VWA8: variants seen among roughly 807,000 people sequenced by gnomAD.
The protein encoded by VWA8 is von Willebrand factor A domain-containing protein 8.
A neutral mutation model predicts 241.5 loss-of-function variants in VWA8; 221 were observed. That is an observed-to-expected ratio of 0.91 (90% CI 0.82 to 1.02). The LOEUF is 1.02. Among genes scored for constraint, VWA8 ranks in the 50% least tolerant of loss-of-function variants. The probability of loss-of-function intolerance (pLI) is 0.00; values close to 1 mark genes in which losing one functional copy is unlikely to be tolerated. For synonymous variants in VWA8, 852 were observed against 827.1 expected, an observed-to-expected ratio of 1.03 and a Z score of -0.52; for missense variants, 2,322 against 2,328.7, an observed-to-expected ratio of 1.00 and a Z score of 0.06.
At chr13:41,649,904 C>G (rs9315854) in intron 37 of VWA8, among the ~76,000 whole-genome samples, 3 of 152,078 alleles carry the variant, frequency 2.0e-5, no homozygotes, top group Admixed American at 2.0e-4. Context: ...CACTGCAACA[C>G]GTGTTGTGCC....
chr13:41,731,550 C>T, intron 22 of VWA8, among the ~76,000 whole-genome samples: 2 of 152,012 alleles, frequency 1.3e-5, no homozygotes, highest in Non-Finnish European at 2.9e-5. Flanking sequence ...GTTATCCTCC[C>T]AATAATTTGC....
chr13:41,614,493 C>T (rs566880967), intron 38 of VWA8, among the ~76,000 whole-genome samples: 18 of 152,304 alleles, frequency 1.2e-4, no homozygotes, highest in South Asian at 2.1e-4. Context: ...GCATCCTCAA[C>T]GTACTTCGAA....
intron 9 of VWA8, among the ~76,000 whole-genome samples, chr13:41,871,707 G>A (rs1873628453): frequency 6.6e-6 from 1 of 152,018 alleles, no homozygotes; most frequent in Admixed American, 6.5e-5. Context: ...GTCTATCGTT[G>A]TTGGACATTT....
Position 41,717,894 on chromosome 13 carries a change from G to C in VWA8, c.3116+1697C>G, listed in dbSNP as rs190693474. ...CTATCCCCTTGTAATGCAAGAGTGT[G>C]ACCAACTTGTTTCCAGGCTCAAAGT... is the stretch of plus-strand genomic sequence containing the variant. On this transcript the variant is annotated intron_variant, in intron 26 of 44. Coordinates refer to ENST00000379310, the MANE Select transcript of VWA8 (RefSeq NM_015058.2). Among the ~76,000 whole-genome samples, 15 of 152,142 alleles carry C rather than the reference G, an allele frequency of 9.9e-5. 1 individual carries two copies. Among genetic ancestry groups the C allele is most frequent in the Admixed American group, 8.5e-4 (13 of 15,258 alleles).
At chr13:41,623,721 G>A (rs940948631) in intron 37 of VWA8, among the ~76,000 whole-genome samples, 1 of 152,120 alleles carries the variant, frequency 6.6e-6, no homozygotes, top group African/African-American at 2.4e-5. Flanking sequence ...TAGTACTCAC[G>A]TGGGATACAG....
chr13:41,794,849 TGGAAGAGAATCTAGGCAATACCATTCA>T (rs1869619261), intron 17 of VWA8, among the ~76,000 whole-genome samples: 1 of 151,970 alleles, frequency 6.6e-6, no homozygotes, highest in Non-Finnish European at 1.5e-5. Context: ...ATAGAAACCC[TGGAAGAGAATCTAGGCAATACCATTCA>T]GGACATAGGC....
intron 18 of VWA8, among the ~76,000 whole-genome samples, chr13:41,784,729 T>TATACACACAC (rs772522331): frequency 1.7e-5 from 1 of 60,080 alleles, no homozygotes; most frequent in African/African-American, 5.6e-5. Context: ...TATATATATA[T>TATACACACAC]ACACACACAT....
At chr13:41,817,963 G>A (rs1309487028) in intron 15 of VWA8, among the ~76,000 whole-genome samples, 3 of 151,814 alleles carry the variant, frequency 2.0e-5, no homozygotes, top group Non-Finnish European at 4.4e-5. Flanking sequence ...ACTGAGAAGC[G>A]GAATTTTTTT....
intron 37 of VWA8, among the ~76,000 whole-genome samples, chr13:41,656,064 T>G (rs1269437235): frequency 2.0e-5 from 3 of 152,198 alleles, no homozygotes; most frequent in African/African-American, 7.2e-5. Flanking sequence ...TGGCGACTAT[T>G]TACTGCTGTG....
At chr13:41,636,473 C>T (rs1297485846) in intron 37 of VWA8, among the ~76,000 whole-genome samples, 1 of 152,054 alleles carries the variant, frequency 6.6e-6, no homozygotes, top group Non-Finnish European at 1.5e-5. Flanking sequence ...CCATAAAAAC[C>T]CTAGAAGAAA....
chr13:41,745,598 C>G (rs890323664), intron 21 of VWA8, among the ~76,000 whole-genome samples: 1 of 152,124 alleles, frequency 6.6e-6, no homozygotes, highest in African/African-American at 2.4e-5. Flanking sequence ...CCAACAGACA[C>G]ATGAAAAAAT....
At chr13:41,905,525 G>A (rs1469652379) in intron 4 of VWA8, among the ~76,000 whole-genome samples, 1 of 151,932 alleles carries the variant, frequency 6.6e-6, no homozygotes. Flanking sequence ...TTTAATGTAA[G>A]AACTTTGAAT....
At chr13:41,937,463 G>A (rs1417810380) in intron 2 of VWA8, among the ~76,000 whole-genome samples, 2 of 152,162 alleles carry the variant, frequency 1.3e-5, no homozygotes, top group East Asian at 3.8e-4. Context: ...ACAGTTACCA[G>A]TAGGGTTTGT....
chr13:41,814,553 C>A (rs1485846788), intron 16 of VWA8, among the ~76,000 whole-genome samples: 1 of 152,068 alleles, frequency 6.6e-6, no homozygotes, highest in Non-Finnish European at 1.5e-5. Flanking sequence ...AGCTTAGGGT[C>A]AGAGGGAACT....
chr13:41,627,873 TC>T (rs1332595361), intron 37 of VWA8, among the ~76,000 whole-genome samples: 3 of 152,084 alleles, frequency 2.0e-5, no homozygotes, highest in Non-Finnish European at 4.4e-5. Context: ...TCCCTCTCCT[TC>T]CCATAAAGAT....
intron 9 of VWA8, among the ~76,000 whole-genome samples, chr13:41,874,341 T>C (rs1424034380): frequency 1.3e-5 from 2 of 151,348 alleles, no homozygotes; most frequent in Non-Finnish European, 2.9e-5. Context: ...CCAGGGCAAT[T>C]AGGCAGGAGA....
chr13:41,884,559 T>A (rs1006630696), intron 8 of VWA8, among the ~76,000 whole-genome samples: 6 of 147,904 alleles, frequency 4.1e-5, no homozygotes, highest in African/African-American at 1.5e-4. Context: ...CTGACTGCAA[T>A]TTACTTCCAA....
At chr13:41,854,125 G>A (rs533010083) in intron 12 of VWA8, among the ~76,000 whole-genome samples, 1 of 152,228 alleles carries the variant, frequency 6.6e-6, no homozygotes, top group South Asian at 2.1e-4. Flanking sequence ...GTGGCTTAAA[G>A]AAACAACTGT....
intron 10 of VWA8, among the ~76,000 whole-genome samples, chr13:41,867,030 T>C (rs888364164): frequency 6.6e-5 from 10 of 152,282 alleles, no homozygotes; most frequent in African/African-American, 1.9e-4. Flanking sequence ...AGTTTGGAAG[T>C]GACAGGATCA....
Sources: allele counts gnomAD v4.1 joint callset (sites outside exome capture counted in the v4.1 genomes callset), GRCh38; gene constraint gnomAD v4.1.1; transcripts MANE v1.5; gene names NCBI Gene and HGNC (gene_info 2026-07-23, HGNC 2026-07-21).